The following MEGF8 variants were observed in gnomAD, a reference collection of about 807,000 sequenced individuals.
The protein encoded by MEGF8 is multiple EGF like domains 8.
In MEGF8, 156 loss-of-function variants were observed where a neutral mutation model predicts 302.9. The ratio of observed to expected loss-of-function variants is 0.52; its 90% CI spans 0.45 to 0.59. MEGF8 has a LOEUF of 0.59. MEGF8 is among the 20% of genes least tolerant of loss of function. MEGF8 has a pLI of 0.00. For synonymous variants in MEGF8, 1,621 were observed against 1,660.5 expected, an observed-to-expected ratio of 0.98 and a Z score of 0.58; for missense variants, 3,345 against 3,964.5, an observed-to-expected ratio of 0.84 and a Z score of 4.20.
At chr19:42,355,666 C>A in intron 23 of MEGF8, 92 bp from the exon 24 acceptor site, 1 of 1,445,576 alleles carries the variant, frequency 6.9e-7, no homozygotes, top group African/African-American at 1.4e-5. Flanking sequence ...CCTTCCTTCC[C>A]TGCCCAGTCA....
intron 23 of MEGF8, 38 bp from the exon 24 acceptor site, chr19:42,355,720 G>A (rs74945600): frequency 2.0e-5 from 30 of 1,528,970 alleles, no homozygotes; most frequent in Middle Eastern, 1.7e-4. Flanking sequence ...GGCCAGGAAC[G>A]TGACTTTGCT....
chr19:42,372,067 AAC>A (rs781367313), intron 41 of MEGF8, among the ~76,000 whole-genome samples: 1,689 of 149,602 alleles, frequency 0.011, 27 homozygotes, highest in African/African-American at 0.032. Context: ...CAACAACAAC[AAC>A]AACAAACACA....
chr19:42,334,755 G>T (rs1355678668), intron 3 of MEGF8, among the ~76,000 whole-genome samples: 8 of 151,948 alleles, frequency 5.3e-5, no homozygotes, highest in Non-Finnish European at 1.2e-4. Context: ...TCCTTTTTCT[G>T]TTGGTCTTCT....
intron 35 of MEGF8, among the ~76,000 whole-genome samples, chr19:42,364,264 C>T (rs913369459): frequency 2.0e-5 from 3 of 152,114 alleles, no homozygotes; most frequent in Non-Finnish European, 4.4e-5. Flanking sequence ...ATTAAACTGT[C>T]GTGGTGGCAG....
chr19:42,348,309 C>T lies in MEGF8; in HGVS notation c.2135C>T (p.Pro712Leu). ...CGCAGCACGACCATCACCCTAACAC[C>T]CAGCGCAGAGACAGATGTGTCCCTG... Reference protein sequence around the residue: ...IVRSTTITLTPSAETDVSLVY... With the variant: ...IVRSTTITLTLSAETDVSLVY... Residue 712 changes from proline to leucine, a missense_variant, in exon 13 of 42, where the codon CCC becomes CTC. By Grantham distance (98) the Pro-to-Leu change is moderately conservative (BLOSUM62 -3). Transcript: ENST00000251268. 6.5e-7 allele frequency: 1 copy of T among 1,537,578 alleles called. No individual in the cohort carries two copies. Among genetic ancestry groups the T allele is most frequent in the South Asian group, 1.2e-5 (1 of 84,066 alleles).
At position 42,375,974 on chromosome 19, in the gene MEGF8, G is replaced by A. The variant is rs78335246; in HGVS notation, c.7737G>A (p.Thr2579=). ...VWPRGLITYV[T]VTEPSAVLVV... ...CGCGGGGCCTGATTACCTACGTGAC[G>A]GTGACGGAGCCGTCGGCAGTGCTGG... The change falls in exon 42 of 42, where the codon ACG becomes ACA. Residue 2579 remains threonine, a synonymous_variant. Coordinates refer to ENST00000251268, the MANE Select transcript of MEGF8 (RefSeq NM_001271938.2). This position sits in a 1 kb window ranked among gnomAD's most constrained non-coding sequence, Gnocchi z 7.1. 4,105 of 1,606,978 alleles carry A rather than the reference G, an allele frequency of 2.6e-3. 84 individuals carry two copies. The African/African-American group carries it at 0.044, about 17-fold the overall frequency.
chr19:42,345,247 C>T (rs969099906), intron 12 of MEGF8, among the ~76,000 whole-genome samples: 1 of 152,254 alleles, frequency 6.6e-6, no homozygotes, highest in Non-Finnish European at 1.5e-5. Context: ...TCTGGGATTA[C>T]AGGCATGAGC....
At chr19:42,328,067 G>A (rs771194487) in intron 1 of MEGF8, among the ~76,000 whole-genome samples, 8 of 152,316 alleles carry the variant, frequency 5.3e-5, no homozygotes, top group Non-Finnish European at 8.8e-5. Flanking sequence ...CAGTCTGGGC[G>A]GCAGAGCGAG....
At chr19:42,350,946 C>A (rs2039360174) in intron 15 of MEGF8, among the ~76,000 whole-genome samples, 1 of 152,162 alleles carries the variant, frequency 6.6e-6, no homozygotes, top group Admixed American at 6.5e-5. Context: ...AATGTGGCCC[C>A]TTGCCCACCT....
At chr19:42,328,502 A>G (rs972828785) in intron 1 of MEGF8, among the ~76,000 whole-genome samples, 1 of 151,662 alleles carries the variant, frequency 6.6e-6, no homozygotes, top group Non-Finnish European at 1.5e-5. Flanking sequence ...CAGTGATAGC[A>G]TGTCTACCTG....
Position 42,359,084 on chromosome 19 carries a change from C to CCGG in MEGF8, c.5344-14_5344-13insCGG. The CCGG allele has an allele frequency of 2.0e-6, 3 of 1,504,054 alleles. No individual in the cohort carries two copies. Among genetic ancestry groups the CCGG allele is most frequent in the Non-Finnish European group, 2.7e-6 (3 of 1,120,026 alleles). The allele number at this position is 1,504,054 out of a possible 1,614,324, so 93.2% of individuals were successfully genotyped here. ...CAGGCTGTCCTGTCCCCCCACCCCC[C>CCGG]GTCTCCCCAACAGCCCCGCCCCCGG... On this transcript the variant is annotated splice_polypyrimidine_tract_variant and intron_variant, in intron 30 of 41. Transcript: ENST00000251268.
At position 42,355,772 on chromosome 19, in the gene MEGF8, C is replaced by T. The variant is rs1238674675; in HGVS notation, c.4159C>T (p.His1387Tyr). 6.3e-7 allele frequency: 1 copy of T among 1,581,592 alleles called. No individual in the cohort carries two copies. The highest frequency in any genetic ancestry group is 1.8e-5 in the Admixed American group (1 of 55,378). Residue 1387 changes from histidine (H) to tyrosine (Y), a missense_variant, in exon 24 of 42, where the codon CAC becomes TAC. By Grantham distance (83) the His-to-Tyr change is moderately conservative (BLOSUM62 2). Coordinates refer to ENST00000251268, the MANE Select transcript of MEGF8 (RefSeq NM_001271938.2). ...TCTCTTCACAGGGCTGCTCGTGCTG[C>T]ACTGGGAGGCCAATGGCTCCTCATC... ...VQALSGLLVLHWEANGSSSWG... is the reference protein window; with the variant it reads ...VQALSGLLVLYWEANGSSSWG...
At position 42,373,625 on chromosome 19, in the gene MEGF8, A is replaced by G. The variant is rs189197573; in HGVS notation, c.7270-1882A>G. Among the ~76,000 whole-genome samples the G allele has an allele frequency of 6.8e-5, 10 of 146,318 alleles. No individual in the cohort carries two copies. In the Admixed American group the frequency reaches 6.9e-4, roughly 10 times the overall value. On this transcript the variant is annotated intron_variant, in intron 41 of 41. Transcript: ENST00000251268. ...TGCCCAGGCTAGTCTTGAACTCCTG[A>G]GCTCAAGCAATCCACTCACCTTGGC...
At position 42,325,789 on chromosome 19, in the gene MEGF8, A is replaced by C; in HGVS notation, c.-455A>C. On this transcript the variant is annotated 5_prime_UTR_variant, in exon 1 of 42. Coordinates refer to ENST00000251268, the MANE Select transcript of MEGF8 (RefSeq NM_001271938.2). ...CCCCGGCTGGAGGAGTCTCTCCTGG[A>C]CCATCCGAACCTAGCCTGTCCCGGC... 6.3e-6 allele frequency: 1 copy of C among 158,102 alleles called. No individual in the cohort carries two copies. 9.8% of individuals were successfully genotyped at this position (158,102 alleles called of 1,614,324 possible). A position where few individuals can be genotyped will look rare whatever the true frequency, so the allele number is the denominator to read the frequency against.
Position 42,370,819 on chromosome 19 carries a change from G to T in MEGF8, c.7124G>T (p.Gly2375Val). ...CTGCAGGGCTACTTCCTCCTGGACGGGAAGTGCACCAAGTAAGAGGAACCG... is the reference window on the plus strand; with the variant it reads ...CTGCAGGGCTACTTCCTCCTGGACGTGAAGTGCACCAAGTAAGAGGAACCG... ...SCLQGYFLLD[G>V]KCTKCQCNGH... The change falls in exon 40 of 42, where the codon GGG (glycine) becomes GTG (valine). Residue 2375 changes from glycine to valine, a missense_variant. By Grantham distance (109) the Gly-to-Val change is moderately radical (BLOSUM62 -3). Transcript: ENST00000251268. 1.2e-6 allele frequency: 1 copy of T among 813,650 alleles called. No individual in the cohort carries two copies. The highest frequency in any genetic ancestry group is 1.9e-6 in the Non-Finnish European group (1 of 522,848). 50.4% of individuals were successfully genotyped at this position (813,650 alleles called of 1,614,324 possible).
At position 42,376,751 on chromosome 19, in the gene MEGF8, C is replaced by G; in HGVS notation, c.8514C>G (p.Asp2838Glu). Residue 2838 changes from aspartate to glutamate, a missense_variant, in exon 42 of 42, where the codon GAC (aspartate) becomes GAG (glutamate). Coordinates refer to ENST00000251268, the MANE Select transcript of MEGF8 (RefSeq NM_001271938.2). The surrounding 1 kb of genome is among the most constrained non-coding windows in gnomAD (Gnocchi z 8.2). ...GAGRKGLLSQDNLTSMSL is the reference protein window; with the variant it reads ...GAGRKGLLSQENLTSMSL ...GCCGGAAGGGACTGTTGAGCCAGGA[C>G]AACCTCACCAGCATGTCCCTCTGAC... 6.8e-7 allele frequency: 1 copy of G among 1,460,754 alleles called. No individual in the cohort carries two copies. The highest frequency in any genetic ancestry group is 2.5e-5 in the East Asian group (1 of 40,320). The allele number at this position is 1,460,754 out of a possible 1,614,324, so 90.5% of individuals were successfully genotyped here. A position where few individuals can be genotyped will look rare whatever the true frequency, so the allele number is the denominator to read the frequency against.
Position 42,337,103 on chromosome 19 carries a change from T to C in MEGF8, c.1410T>C (p.His470=), listed in dbSNP as rs138141882. Residue 470 remains histidine (H), a synonymous_variant, in exon 8 of 42, where the codon CAT becomes CAC. Coordinates refer to ENST00000251268, the MANE Select transcript of MEGF8 (RefSeq NM_001271938.2). The part of the protein sequence containing the change: ...MVVYGGNVHT[H]YQEEKCYEDG... ...TCCCAGGGGGCAATGTGCACACCCA[T>C]TACCAGGAGGAAAAGTGCTACGAAG... The C allele has an allele frequency of 7.2e-5, 117 of 1,613,858 alleles. No homozygotes were observed. Among genetic ancestry groups the C allele is most frequent in the Non-Finnish European group, 9.6e-5 (113 of 1,179,888 alleles).
intron 12 of MEGF8, 131 bp from the exon 13 acceptor site, chr19:42,348,141 C>T (rs779334203): frequency 3.3e-5 from 28 of 836,102 alleles, no homozygotes; most frequent in Non-Finnish European, 4.0e-5. Flanking sequence ...CACCTAACCC[C>T]TGTCCCTCTG....
chr19:42,337,506 CTTTTTTT>C (rs908319656), intron 8 of MEGF8, among the ~76,000 whole-genome samples: 2 of 135,824 alleles, frequency 1.5e-5, no homozygotes, highest in Admixed American at 7.4e-5. Context: ...CTTTTCTTTT[CTTTTTTT>C]TTTTTTTTTT....
Sources: allele counts gnomAD v4.1 joint callset (sites outside exome capture counted in the v4.1 genomes callset), GRCh38; gene constraint gnomAD v4.1.1; non-coding constraint Gnocchi (gnomAD v3.1); transcripts MANE v1.5; gene names NCBI Gene and HGNC (gene_info 2026-07-23, HGNC 2026-07-21).